The following CDH2 variants were observed in gnomAD, a reference collection of about 807,000 sequenced individuals.
CDH2 encodes the protein cadherin 2.
A neutral mutation model predicts 92.0 loss-of-function variants in CDH2; 17 were observed. The ratio of observed to expected loss-of-function variants is 0.18; its 90% CI spans 0.13 to 0.28. CDH2 has a LOEUF of 0.28. Ranked by LOEUF, CDH2 falls within the 10% of genes least tolerant of loss-of-function variation. The probability of loss-of-function intolerance (pLI) is 1.00; values close to 1 mark genes in which losing one functional copy is unlikely to be tolerated. For missense variants in CDH2, 862 were observed against 1,133.1 expected, an observed-to-expected ratio of 0.76 and a Z score of 3.44; for synonymous variants, 419 against 415.9, an observed-to-expected ratio of 1.01 and a Z score of -0.09.
chr18:27,971,308 C>CTT (rs60035433), intron 14 of CDH2, among the ~76,000 whole-genome samples: 94 of 114,442 alleles, frequency 8.2e-4, no homozygotes, highest in African/African-American at 1.9e-3. Context: ...CATGTCAGTT[C>CTT]TTTTTTTTTT....
intron 2 of CDH2, among the ~76,000 whole-genome samples, chr18:28,077,884 C>T (rs1156388439): frequency 9.2e-6 from 1 of 108,240 alleles, no homozygotes; most frequent in African/African-American, 4.2e-5. Context: ...GAGTGAGACC[C>T]TGTCTCAAAA....
chr18:27,949,421 T>G (rs1023110669), downstream of CDH2, among the ~76,000 whole-genome samples: 16 of 152,032 alleles, frequency 1.1e-4, no homozygotes, highest in Non-Finnish European at 1.3e-4. Context: ...ACTGTGGCAT[T>G]GTTTTTAATA....
intron 2 of CDH2, among the ~76,000 whole-genome samples, chr18:28,017,012 A>G (rs1336786421): frequency 2.6e-5 from 4 of 151,990 alleles, no homozygotes; most frequent in Admixed American, 2.6e-4. Flanking sequence ...ATGCTATTGT[A>G]TTCTGTTATA....
intron 2 of CDH2, among the ~76,000 whole-genome samples, chr18:28,077,890 CAAAAAAAAAAAAAAAAAA>C (rs71171659): frequency 0.052 from 3,495 of 67,798 alleles, 95 homozygotes; most frequent in South Asian, 0.14. Context: ...GACCCTGTCT[CAAAAAAAAAAAAAAAAAA>C]AAAAAAAAAG....
intron 14 of CDH2, among the ~76,000 whole-genome samples, chr18:27,981,070 G>A (rs1599007192): frequency 6.6e-6 from 1 of 152,120 alleles, no homozygotes; most frequent in Admixed American, 6.6e-5. Flanking sequence ...ATACCCCACG[G>A]TCCAGTCCCT....
intron 7 of CDH2, among the ~76,000 whole-genome samples, chr18:28,001,970 C>G (rs1272209946): frequency 2.0e-5 from 3 of 152,186 alleles, no homozygotes; most frequent in South Asian, 2.1e-4. Context: ...AGTCTCATTA[C>G]AGTAAAAGCT....
At chr18:27,961,030 C>CAAAAAAAAAGAACA (rs1555627961) in intron 15 of CDH2, among the ~76,000 whole-genome samples, 2 of 148,280 alleles carry the variant, frequency 1.3e-5, no homozygotes, top group Non-Finnish European at 3.0e-5. Flanking sequence ...AAAAAAAGAA[C>CAAAAAAAAAGAACA]AAAAAAAAAA....
At chr18:28,075,799 A>G (rs1372457376) in intron 2 of CDH2, among the ~76,000 whole-genome samples, 1 of 152,134 alleles carries the variant, frequency 6.6e-6, no homozygotes, top group African/African-American at 2.4e-5. Context: ...TGCTCTTAAC[A>G]CCTTGACCAC....
chr18:28,063,482 T>C (rs1445033344), intron 2 of CDH2, among the ~76,000 whole-genome samples: 1 of 152,214 alleles, frequency 6.6e-6, no homozygotes, highest in Non-Finnish European at 1.5e-5. Context: ...AATAGGGAAT[T>C]CTGGCAGGTT....
At chr18:28,042,724 G>A (rs1599057011) in intron 2 of CDH2, among the ~76,000 whole-genome samples, 1 of 152,188 alleles carries the variant, frequency 6.6e-6, no homozygotes, top group African/African-American at 2.4e-5. Flanking sequence ...GGAAATTAAG[G>A]ATTTAAAAGT....
chr18:28,170,342 T>C (rs532250358), intron 1 of CDH2, among the ~76,000 whole-genome samples: 77 of 152,304 alleles, frequency 5.1e-4, no homozygotes, highest in African/African-American at 1.7e-3. Flanking sequence ...TCCTTCTCTG[T>C]AGCTTTTTTA....
At chr18:28,062,391 C>T (rs551053141) in intron 2 of CDH2, among the ~76,000 whole-genome samples, 126 of 152,232 alleles carry the variant, frequency 8.3e-4, no homozygotes, top group Non-Finnish European at 1.1e-3. Context: ...AATTTATAAT[C>T]CAATATATTC....
chr18:28,078,403 C>G (rs1045257345), intron 2 of CDH2, among the ~76,000 whole-genome samples: 5 of 152,030 alleles, frequency 3.3e-5, no homozygotes, highest in African/African-American at 9.7e-5. Context: ...TGAACTTCAG[C>G]AATGGGAAAG....
intron 1 of CDH2, among the ~76,000 whole-genome samples, chr18:28,164,813 C>T (rs962842375): frequency 1.3e-5 from 2 of 152,206 alleles, no homozygotes. Flanking sequence ...CAAATCAAAT[C>T]ACTGGCAGAA....
At chr18:28,149,229 G>A (rs2016084455) in intron 1 of CDH2, among the ~76,000 whole-genome samples, 1 of 152,134 alleles carries the variant, frequency 6.6e-6, no homozygotes, top group South Asian at 2.1e-4. Flanking sequence ...GACATGTGCA[G>A]GAATGTCCAC....
At chr18:28,119,485 T>C (rs528540921) in intron 2 of CDH2, among the ~76,000 whole-genome samples, 10 of 152,246 alleles carry the variant, frequency 6.6e-5, no homozygotes, top group African/African-American at 1.9e-4. Context: ...TTCTAGAATT[T>C]GAGATCATCA....
At chr18:28,043,704 C>G (rs2014008909) in intron 2 of CDH2, among the ~76,000 whole-genome samples, 1 of 150,486 alleles carries the variant, frequency 6.6e-6, no homozygotes, top group Non-Finnish European at 1.5e-5. Flanking sequence ...TTTGAAAAGT[C>G]TCATTCTGAG....
At chr18:28,064,147 G>A (rs1217025432) in intron 2 of CDH2, among the ~76,000 whole-genome samples, 3 of 151,110 alleles carry the variant, frequency 2.0e-5, no homozygotes, top group Non-Finnish European at 4.4e-5. Flanking sequence ...GGGGGGGGTA[G>A]GTGGGGATGG....
At chr18:28,157,197 G>T (rs1173162708) in intron 1 of CDH2, among the ~76,000 whole-genome samples, 1 of 152,148 alleles carries the variant, frequency 6.6e-6, no homozygotes, top group Non-Finnish European at 1.5e-5. Context: ...GGCTCAGATT[G>T]ATTCTGTCCC....
Sources: allele counts gnomAD v4.1 joint callset (sites outside exome capture counted in the v4.1 genomes callset), GRCh38; gene constraint gnomAD v4.1.1; transcripts MANE v1.5; gene names NCBI Gene and HGNC (gene_info 2026-07-23, HGNC 2026-07-21).